ATP9A: variants seen among roughly 807,000 people sequenced by gnomAD.
ATP9A encodes probable phospholipid-transporting ATPase IIA.
ATP9A carries 52 observed loss-of-function variants against 144.1 expected under a neutral mutation model. The observed-to-expected ratio is 0.36, with a 90% CI of 0.29 to 0.45. The LOEUF (loss-of-function observed/expected upper bound fraction) is 0.45. Among genes scored for constraint, ATP9A ranks in the 20% least tolerant of loss-of-function variants. The pLI is 1.00. For synonymous variants in ATP9A, 582 were observed against 557.4 expected, an observed-to-expected ratio of 1.04 and a Z score of -0.62; for missense variants, 947 against 1,392.7, an observed-to-expected ratio of 0.68 and a Z score of 5.09.
intron 14 of ATP9A, among the ~76,000 whole-genome samples, chr20:51,651,366 A>AT (rs2077365638): frequency 1.4e-5 from 2 of 142,896 alleles, no homozygotes; most frequent in South Asian, 2.1e-4. Context: ...TTTACATTAT[A>AT]TATATTTCTT....
intron 9 of ATP9A, among the ~76,000 whole-genome samples, chr20:51,678,524 C>A (rs542091396): frequency 6.6e-6 from 1 of 152,198 alleles, no homozygotes; most frequent in Non-Finnish European, 1.5e-5. Context: ...TCCAAGGAGG[C>A]TCCCGGCAGA....
At chr20:51,760,141 T>C (rs2122918511) in intron 1 of ATP9A, among the ~76,000 whole-genome samples, 1 of 152,298 alleles carries the variant, frequency 6.6e-6, no homozygotes, top group East Asian at 1.9e-4. Context: ...CTAGTATCTC[T>C]AAGCACAGGA....
chr20:51,631,150 C>T (rs1489398833), intron 15 of ATP9A, among the ~76,000 whole-genome samples: 1 of 152,212 alleles, frequency 6.6e-6, no homozygotes, highest in Admixed American at 6.5e-5. Context: ...TTTCATGGAA[C>T]AGAAATATCC....
chr20:51,709,169 G>A (rs1292695098), intron 4 of ATP9A, among the ~76,000 whole-genome samples: 1 of 152,132 alleles, frequency 6.6e-6, no homozygotes, highest in East Asian at 1.9e-4. Flanking sequence ...TGTCTCAAAT[G>A]ACCCCAGATA....
chr20:51,685,023 A>AT (rs2077516875), intron 9 of ATP9A, among the ~76,000 whole-genome samples: 2 of 95,176 alleles, frequency 2.1e-5, no homozygotes, highest in Admixed American at 1.8e-4. Context: ...AAAATAAAAA[A>AT]AAAAAAAAAA....
chr20:51,607,860 A>G (rs1181119891), intron 25 of ATP9A, among the ~76,000 whole-genome samples: 2 of 152,060 alleles, frequency 1.3e-5, no homozygotes, highest in Non-Finnish European at 2.9e-5. Flanking sequence ...CCTGGCCAAC[A>G]TGGTGAAACC....
intron 15 of ATP9A, among the ~76,000 whole-genome samples, chr20:51,632,119 G>C (rs2077272374): frequency 6.6e-6 from 1 of 151,938 alleles, no homozygotes; most frequent in South Asian, 2.1e-4. Context: ...GCCCAGGCTA[G>C]AGCGCAATGG....
At chr20:51,678,869 A>G (rs2077488239) in intron 9 of ATP9A, among the ~76,000 whole-genome samples, 1 of 152,150 alleles carries the variant, frequency 6.6e-6, no homozygotes, top group Non-Finnish European at 1.5e-5. Context: ...TGCTCAGGAC[A>G]CAGGCTCTGC....
intron 3 of ATP9A, among the ~76,000 whole-genome samples, chr20:51,723,901 T>C (rs1052724723): frequency 6.6e-5 from 10 of 152,226 alleles, no homozygotes; most frequent in African/African-American, 1.9e-4. Flanking sequence ...CCAGGTGCAG[T>C]GTCTCACGCC....
chr20:51,755,245 G>A (rs926204424), intron 1 of ATP9A, among the ~76,000 whole-genome samples: 29 of 151,906 alleles, frequency 1.9e-4, no homozygotes, highest in African/African-American at 7.0e-4. Flanking sequence ...AGACCAGCCT[G>A]ACCAACATGG....
intron 9 of ATP9A, among the ~76,000 whole-genome samples, chr20:51,678,514 TC>T (rs1296108165): frequency 3.3e-5 from 5 of 152,086 alleles, no homozygotes; most frequent in East Asian, 1.9e-4. Flanking sequence ...GCAGTTCCCT[TC>T]CAAGGAGGCT....
intron 10 of ATP9A, among the ~76,000 whole-genome samples, chr20:51,675,804 C>T (rs1281771372): frequency 3.3e-5 from 5 of 149,974 alleles, no homozygotes; most frequent in Non-Finnish European, 7.4e-5. Flanking sequence ...TGCTTGAGCC[C>T]GGGAGGCAGA....
rs1349112611 is a variant in ATP9A at position 51,600,699 on chromosome 20, C to CA, written c.*511dup. The CA allele has an allele frequency of 6.6e-6, 1 of 152,182 alleles. No individual in the cohort carries two copies. Among genetic ancestry groups the CA allele is most frequent in the African/African-American group, 2.4e-5 (1 of 41,400 alleles). The allele number at this position is 152,182 out of a possible 1,614,324, so 9.4% of individuals were successfully genotyped here. A position where few individuals can be genotyped will look rare whatever the true frequency, so the allele number is the denominator to read the frequency against. ...GTGTGGATAACTTTTTACCAAATGT[C>CA]ACTGTCTTTTCCTCCCAAACCGACA... On this transcript the variant is annotated 3_prime_UTR_variant, in exon 28 of 28. Transcript: ENST00000338821.
At chr20:51,702,378 G>GTGTGTA (rs1230423592) in intron 4 of ATP9A, among the ~76,000 whole-genome samples, 1 of 149,402 alleles carries the variant, frequency 6.7e-6, no homozygotes, top group African/African-American at 2.5e-5. Flanking sequence ...GTGTGTGTGT[G>GTGTGTA]TGTGTGTGTG....
intron 13 of ATP9A, among the ~76,000 whole-genome samples, chr20:51,658,450 A>T (rs2077396297): frequency 6.6e-6 from 1 of 151,554 alleles, no homozygotes; most frequent in African/African-American, 2.4e-5. Context: ...CACCAACTGC[A>T]GCAGGATGGG....
rs2077185365 is a variant in ATP9A at position 51,611,645 on chromosome 20, G to A, written c.2572-1480C>T. Among the ~76,000 whole-genome samples the A allele has an allele frequency of 6.6e-6, 1 of 152,174 alleles. No individual in the cohort carries two copies. The highest frequency in any genetic ancestry group is 1.5e-5 in the Non-Finnish European group (1 of 68,034). Reference sequence around the variant, plus strand: ...CCTGGAATTCTTTTTCTACATCAATGTTAACAGTAACATCCAGTTTTTGAA... The same window carrying A: ...CCTGGAATTCTTTTTCTACATCAATATTAACAGTAACATCCAGTTTTTGAA... On this transcript the variant is annotated intron_variant, in intron 23 of 27. Coordinates refer to ENST00000338821, the MANE Select transcript of ATP9A (RefSeq NM_006045.3). The surrounding 1 kb of genome is among the most constrained non-coding windows in gnomAD (Gnocchi z 4.2).
At chr20:51,703,184 AT>A (rs2077601602) in intron 4 of ATP9A, among the ~76,000 whole-genome samples, 1 of 151,930 alleles carries the variant, frequency 6.6e-6, no homozygotes, top group Non-Finnish European at 1.5e-5. Context: ...TCCCACCACA[AT>A]TTTCATTTTT....
chr20:51,746,922 C>T (rs111261606), intron 1 of ATP9A, among the ~76,000 whole-genome samples: 4 of 151,064 alleles, frequency 2.6e-5, no homozygotes, highest in African/African-American at 7.3e-5. Flanking sequence ...AGGAGAATGG[C>T]TTGAACCCAG....
At chr20:51,749,325 C>T (rs1409144532) in intron 1 of ATP9A, among the ~76,000 whole-genome samples, 4 of 152,022 alleles carry the variant, frequency 2.6e-5, no homozygotes, top group Non-Finnish European at 5.9e-5. Context: ...TGCAGTGGTG[C>T]GATCTCGGCT....
Sources: gnomAD v4.1 joint callset for allele counts (sites outside exome capture counted in the v4.1 genomes callset) on GRCh38, gnomAD v4.1.1 for gene constraint, Gnocchi (gnomAD v3.1) non-coding constraint, MANE v1.5 for transcripts, NCBI Gene and HGNC (gene_info 2026-07-23, HGNC 2026-07-21) for gene names.